The following ROBO1 variants were observed in gnomAD, a reference collection of about 807,000 sequenced individuals.
ROBO1 encodes the protein roundabout guidance receptor 1, also known as roundabout homolog 1.
ROBO1 carries 149 observed loss-of-function variants against 195.9 expected under a neutral mutation model. The ratio of observed to expected loss-of-function variants is 0.76; its 90% confidence interval spans 0.67 to 0.87. The LOEUF (loss-of-function observed/expected upper bound fraction) is 0.87. ROBO1 is among the 40% of genes least tolerant of loss of function. The pLI, the probability that ROBO1 is intolerant of heterozygous loss-of-function variation, is 0.00. For missense variants in ROBO1, 1,933 were observed against 2,068.3 expected, an observed-to-expected ratio of 0.93 and a Z score of 1.27; for synonymous variants, 816 against 733.2, an observed-to-expected ratio of 1.11 and a Z score of -1.82.
intron 2 of ROBO1, among the ~76,000 whole-genome samples, chr3:79,238,069 T>A (rs1433053771): frequency 6.6e-6 from 1 of 152,206 alleles, no homozygotes; most frequent in Non-Finnish European, 1.5e-5. Flanking sequence ...GGCTTCTCTG[T>A]GTCTTCAGGA....
intron 2 of ROBO1, among the ~76,000 whole-genome samples, chr3:79,417,302 G>A (rs2106907697): frequency 6.6e-6 from 1 of 152,214 alleles, no homozygotes; most frequent in East Asian, 1.9e-4. Flanking sequence ...CTGTGGAGAG[G>A]CTCACATAGC....
chr3:79,580,813 T>C (rs898979859), intron 2 of ROBO1, among the ~76,000 whole-genome samples: 25 of 152,288 alleles, frequency 1.6e-4, no homozygotes, highest in Admixed American at 5.2e-4. Flanking sequence ...CCAGTTACAA[T>C]ACGTTTTTAT....
At chr3:78,944,555 AACAGCTCCGGTCT>A (rs1038909141) in intron 3 of ROBO1, among the ~76,000 whole-genome samples, 54 of 152,356 alleles carry the variant, frequency 3.5e-4, no homozygotes, top group African/African-American at 1.3e-3. Context: ...GCCGAATAGG[AACAGCTCCGGTCT>A]ACAGCTCCCA....
At chr3:79,698,376 G>T (rs1376346542) in intron 1 of ROBO1, among the ~76,000 whole-genome samples, 1 of 151,352 alleles carries the variant, frequency 6.6e-6, no homozygotes, top group African/African-American at 2.4e-5. Context: ...ATCACAGATA[G>T]ATAAGATAGG....
In ROBO1 at chr3:79,762,791, C is replaced by T. The variant is rs371441381; in HGVS notation, c.-51+4961G>A. Among the ~76,000 whole-genome samples the T allele has an allele frequency of 1.3e-4, 20 of 152,256 alleles. No individual in the cohort carries two copies. In the East Asian group the frequency reaches 3.7e-3, roughly 28 times the overall value. On this transcript the variant is annotated intron_variant, in intron 1 of 30. Transcript: ENST00000464233. ...TTAGAAATTGTCATTTTTGCCCTGA[C>T]AGATAGCTCGCCAAACTTGTTGCAC...
chr3:78,918,082 A>G (rs1300216885), intron 4 of ROBO1, among the ~76,000 whole-genome samples: 1 of 152,210 alleles, frequency 6.6e-6, no homozygotes, highest in African/African-American at 2.4e-5. Context: ...ACAATTGACA[A>G]TAAGTTAAAC....
chr3:79,036,673 T>C (rs917374643), intron 3 of ROBO1, among the ~76,000 whole-genome samples: 1 of 152,078 alleles, frequency 6.6e-6, no homozygotes, highest in African/African-American at 2.4e-5. Flanking sequence ...AAAAAAGAGA[T>C]ATTGACTGGG....
intron 1 of ROBO1, among the ~76,000 whole-genome samples, chr3:79,654,640 G>A (rs764531938): frequency 8.6e-5 from 13 of 151,850 alleles, no homozygotes; most frequent in Admixed American, 2.0e-4. Flanking sequence ...ATAAAAATTT[G>A]CACATTTACA....
chr3:79,027,355 A>C (rs1211875640), intron 3 of ROBO1, among the ~76,000 whole-genome samples: 3 of 152,234 alleles, frequency 2.0e-5, no homozygotes, highest in African/African-American at 7.2e-5. Flanking sequence ...TAAAGAATTC[A>C]TTAAATTGTC....
intron 22 of ROBO1, among the ~76,000 whole-genome samples, chr3:78,638,245 A>G: frequency 7.3e-6 from 1 of 137,220 alleles, no homozygotes; most frequent in South Asian, 2.2e-4. Flanking sequence ...ATGTGTGTAT[A>G]CACACATACA....
intron 2 of ROBO1, among the ~76,000 whole-genome samples, chr3:79,127,401 C>T (rs746672855): frequency 6.6e-6 from 1 of 152,176 alleles, no homozygotes; most frequent in Non-Finnish European, 1.5e-5. Context: ...ACCCTGCTTA[C>T]CTACAATCTT....
intron 4 of ROBO1, among the ~76,000 whole-genome samples, chr3:78,911,619 C>G (rs1234543045): frequency 6.6e-6 from 1 of 152,026 alleles, no homozygotes; most frequent in Non-Finnish European, 1.5e-5. Context: ...GTGTCATGCA[C>G]TAGTAACCCG....
chr3:78,748,185 C>T (rs1369837369), intron 4 of ROBO1, among the ~76,000 whole-genome samples: 1 of 152,128 alleles, frequency 6.6e-6, no homozygotes, highest in Non-Finnish European at 1.5e-5. Flanking sequence ...GTGGCTTACG[C>T]CTATAATCCC....
At position 78,661,220 on chromosome 3, in the gene ROBO1, G is replaced by C. The variant is rs752758109; in HGVS notation, c.2130C>G (p.Leu710=). The change falls in exon 16 of 31, where the codon CTC becomes CTG. Residue 710 remains leucine (L), a synonymous_variant. Coordinates refer to ENST00000464233, the MANE Select transcript of ROBO1 (RefSeq NM_002941.4). ...CGTGGTTGGCTCCAGATGGCCGATAGAGAATTTTATATCCTTGTATATACT... is the reference window on the plus strand; with the variant it reads ...CGTGGTTGGCTCCAGATGGCCGATACAGAATTTTATATCCTTGTATATACT... ...QSQYIQGYKI[L]YRPSGANHGE... is the part of the protein sequence containing the mutation. The C allele has an allele frequency of 6.2e-7, 1 of 1,612,788 alleles. No homozygotes were observed. The highest frequency in any genetic ancestry group is 1.1e-5 in the South Asian group (1 of 90,850).
Position 79,283,949 on chromosome 3 carries a change from G to T in ROBO1, c.89-158410C>A, listed in dbSNP as rs112764584. 7.6e-4 allele frequency among the ~76,000 whole-genome samples: 115 copies of T among 151,884 alleles called. 1 individual carries two copies. The highest frequency in any genetic ancestry group is 2.7e-3 in the African/African-American group (112 of 41,418). On this transcript the variant is annotated intron_variant, in intron 2 of 30. Transcript: ENST00000464233. ...CCTGACCTCGTGATCCGCCCGCCTCGGCCTCCCAAAGTGCTGGGATTACAG... is the reference window on the plus strand; with the variant it reads ...CCTGACCTCGTGATCCGCCCGCCTCTGCCTCCCAAAGTGCTGGGATTACAG...
At chr3:79,390,014 G>A (rs902771844) in intron 2 of ROBO1, among the ~76,000 whole-genome samples, 2 of 152,094 alleles carry the variant, frequency 1.3e-5, no homozygotes, top group Non-Finnish European at 2.9e-5. Context: ...ATGTAAAGAG[G>A]TGAACTAATC....
intron 2 of ROBO1, among the ~76,000 whole-genome samples, chr3:79,173,295 C>T (rs530772429): frequency 2.2e-4 from 34 of 152,070 alleles, no homozygotes; most frequent in Non-Finnish European, 3.2e-4. Context: ...CTGGGCTGAC[C>T]GAGGCTGGAG....
intron 2 of ROBO1, among the ~76,000 whole-genome samples, chr3:79,407,711 T>C (rs2037602709): frequency 6.6e-6 from 1 of 152,130 alleles, no homozygotes; most frequent in Non-Finnish European, 1.5e-5. Flanking sequence ...ATTAATGATT[T>C]CTTAAATATT....
In ROBO1 at chr3:79,293,741, T is replaced by C. The variant is rs573933145; in HGVS notation, c.89-168202A>G. 9.3e-4 allele frequency among the ~76,000 whole-genome samples: 142 copies of C among 152,168 alleles called. 1 individual carries two copies. The highest frequency in any genetic ancestry group is 3.1e-3 in the African/African-American group (127 of 41,526). The stretch of plus-strand genomic sequence containing the variant: ...CAATGCTATCCCCATCAAGCTACCA[T>C]TGACTTTCTTCACAGAATTAGAAAA... On this transcript the variant is annotated intron_variant, in intron 2 of 30. Transcript: ENST00000464233.
Sources: gnomAD v4.1 joint callset for allele counts (sites outside exome capture counted in the v4.1 genomes callset) on GRCh38, gnomAD v4.1.1 for gene constraint, MANE v1.5 for transcripts, NCBI Gene and HGNC (gene_info 2026-07-23, HGNC 2026-07-21) for gene names.